SLC1A2: variants seen among roughly 807,000 people sequenced by gnomAD.
SLC1A2 encodes excitatory amino acid transporter 2.
In SLC1A2, 15 loss-of-function variants were observed where a neutral mutation model predicts 48.8. The ratio of observed to expected loss-of-function variants is 0.31; its 90% confidence interval spans 0.21 to 0.47. SLC1A2 has a LOEUF of 0.47. Among genes scored for constraint, SLC1A2 ranks in the 20% least tolerant of loss-of-function variants. The pLI is 0.99. For missense variants in SLC1A2, 502 were observed against 730.5 expected (o/e 0.69, Z 3.61); for synonymous variants, 279 against 272.6 (o/e 1.02, Z -0.23).
intron 1 of SLC1A2, among the ~76,000 whole-genome samples, chr11:35,402,517 T>C (rs985272055): frequency 1.3e-5 from 2 of 152,198 alleles, no homozygotes; most frequent in Non-Finnish European, 2.9e-5. Context: ...TCCTTTATAA[T>C]AAACTGGTAA....
intron 8 of SLC1A2, among the ~76,000 whole-genome samples, chr11:35,283,668 C>T (rs1850713718): frequency 1.3e-5 from 2 of 152,068 alleles, no homozygotes; most frequent in African/African-American, 4.8e-5. Context: ...GACCAAGAGT[C>T]GAGATACCAG....
At chr11:35,300,255 A>G (rs1455800798) in intron 6 of SLC1A2, among the ~76,000 whole-genome samples, 5 of 152,222 alleles carry the variant, frequency 3.3e-5, no homozygotes, top group African/African-American at 1.2e-4. Context: ...CCTAGCTATA[A>G]TCATCTTAGG....
At chr11:35,408,492 A>C (rs574062340) in intron 1 of SLC1A2, among the ~76,000 whole-genome samples, 2 of 151,934 alleles carry the variant, frequency 1.3e-5, no homozygotes, top group African/African-American at 4.8e-5. Context: ...CTTCTTCATC[A>C]TTTTTCTCTT....
intron 1 of SLC1A2, among the ~76,000 whole-genome samples, chr11:35,318,302 C>A (rs1851947353): frequency 6.6e-6 from 1 of 152,234 alleles, no homozygotes; most frequent in African/African-American, 2.4e-5. Flanking sequence ...GAGTACTTCT[C>A]CTTCCTCAGC....
In SLC1A2 at chr11:35,260,619, C is replaced by A. The variant is rs1483603042; in HGVS notation, c.*275G>T. The A allele has an allele frequency of 3.5e-5, 14 of 404,494 alleles. No homozygotes were observed. Among genetic ancestry groups the A allele is most frequent in the Non-Finnish European group, 1.3e-5 (3 of 222,802 alleles). The allele number at this position is 404,494 out of a possible 1,614,324, so 25.1% of individuals were successfully genotyped here. On this transcript the variant is annotated 3_prime_UTR_variant, in exon 11 of 11. Coordinates refer to ENST00000278379, the MANE Select transcript of SLC1A2 (RefSeq NM_004171.4). ...GGGAGAAAAGGGAAGCTGGCAAGAA[C>A]GTGTCTTCAATTCCAACTGATTCCT...
At chr11:35,284,543 TTG>T (rs34712517) in intron 8 of SLC1A2, among the ~76,000 whole-genome samples, 7,701 of 149,842 alleles carry the variant, frequency 0.051, 617 homozygotes, top group African/African-American at 0.17. Flanking sequence ...TGTTTTCATA[TTG>T]TGTGTGTGTG....
At chr11:35,309,453 T>TA (rs1851618620) in intron 4 of SLC1A2, among the ~76,000 whole-genome samples, 1 of 152,204 alleles carries the variant, frequency 6.6e-6, no homozygotes, top group African/African-American at 2.4e-5. Context: ...GGTCATATCT[T>TA]ACAGCCAGTT....
At chr11:35,380,773 T>C (rs903530205) in intron 1 of SLC1A2, among the ~76,000 whole-genome samples, 25 of 152,242 alleles carry the variant, frequency 1.6e-4, no homozygotes, top group African/African-American at 6.0e-4. Flanking sequence ...AGTGCCTCAG[T>C]GCTTCGCTGT....
At chr11:35,348,694 C>G (rs899876920) in intron 1 of SLC1A2, among the ~76,000 whole-genome samples, 1 of 151,740 alleles carries the variant, frequency 6.6e-6, no homozygotes, top group Non-Finnish European at 1.5e-5. Context: ...GAGTTACAGA[C>G]CAGCCTGACC....
chr11:35,344,740 T>G (rs189586548), intron 1 of SLC1A2, among the ~76,000 whole-genome samples: 14 of 152,332 alleles, frequency 9.2e-5, no homozygotes, highest in Admixed American at 7.8e-4. Flanking sequence ...GTTCTGAATT[T>G]CAAAAAGAAT....
chr11:35,358,127 G>A lies in SLC1A2; in HGVS notation c.18-40611C>T, dbSNP rs190816494. 4.4e-3 allele frequency among the ~76,000 whole-genome samples: 660 copies of A among 149,482 alleles called. 5 individuals are homozygous for A. The highest frequency in any genetic ancestry group is 0.016 in the African/African-American group (640 of 39,360). ...GTCACTGTACTCCAGCCTGGCAACA[G>A]AGCAAGACTCCGTCTAAAAAAAAAA... On this transcript the variant is annotated intron_variant, in intron 1 of 10. Coordinates refer to ENST00000278379, the MANE Select transcript of SLC1A2 (RefSeq NM_004171.4).
intron 1 of SLC1A2, among the ~76,000 whole-genome samples, chr11:35,326,533 C>T (rs1376515394): frequency 1.3e-5 from 2 of 152,184 alleles, no homozygotes; most frequent in African/African-American, 4.8e-5. Context: ...ATACCTTAGC[C>T]AGGACTGGGT....
At chr11:35,262,027 T>C (rs1222881123) in intron 10 of SLC1A2, 2 of 305,518 alleles carry the variant, frequency 6.5e-6, no homozygotes, top group African/African-American at 2.1e-5. Context: ...AAAACTATTG[T>C]GTAACTTCAA....
chr11:35,335,943 G>A (rs1852614684), intron 1 of SLC1A2, among the ~76,000 whole-genome samples: 5 of 152,134 alleles, frequency 3.3e-5, no homozygotes, highest in South Asian at 4.1e-4. Context: ...CTGAAAAAAG[G>A]TTTCTTATAT....
At chr11:35,410,334 C>T (rs1409753871) in intron 1 of SLC1A2, among the ~76,000 whole-genome samples, 2 of 152,194 alleles carry the variant, frequency 1.3e-5, no homozygotes, top group Non-Finnish European at 2.9e-5. Context: ...CAGTCAATTG[C>T]TGTCAACTAT....
intron 10 of SLC1A2, 106 bp from the exon 11 acceptor site, chr11:35,261,071 A>C: frequency 1.3e-6 from 1 of 797,444 alleles, no homozygotes; most frequent in Non-Finnish European, 2.2e-6. Flanking sequence ...TACATGACTG[A>C]AATATTAGTT....
At chr11:35,288,894 A>G (rs1365466590) in intron 7 of SLC1A2, among the ~76,000 whole-genome samples, 1 of 151,482 alleles carries the variant, frequency 6.6e-6, no homozygotes, top group Non-Finnish European at 1.5e-5. Flanking sequence ...AATATCCTCT[A>G]TTTCTCTACT....
At chr11:35,311,899 A>AGG (rs1851708868) in intron 4 of SLC1A2, among the ~76,000 whole-genome samples, 21 of 12,576 alleles carry the variant, frequency 1.7e-3, no homozygotes, top group African/African-American at 5.1e-3. Context: ...AGAGGGAGGG[A>AGG]GAGAGAGAGA....
intron 1 of SLC1A2, among the ~76,000 whole-genome samples, chr11:35,327,735 TC>T (rs1165450509): frequency 6.6e-6 from 1 of 152,210 alleles, no homozygotes; most frequent in Non-Finnish European, 1.5e-5. Flanking sequence ...GTTAATGACA[TC>T]CCGGAGAGGG....
Sources: gnomAD v4.1 joint callset for allele counts (sites outside exome capture counted in the v4.1 genomes callset) on GRCh38, gnomAD v4.1.1 for gene constraint, MANE v1.5 for transcripts, NCBI Gene and HGNC (gene_info 2026-07-23, HGNC 2026-07-21) for gene names.